The following PTPRG variants were observed in gnomAD, a reference collection of about 807,000 sequenced individuals.
PTPRG encodes receptor-type tyrosine-protein phosphatase gamma.
PTPRG carries 102 observed loss-of-function variants against 165.3 expected under a neutral mutation model. The observed-to-expected ratio is 0.62, with a 90% CI of 0.53 to 0.73. PTPRG has a LOEUF of 0.73. Ranked by LOEUF, PTPRG falls within the 30% of genes least tolerant of loss-of-function variation. The pLI, the probability that PTPRG is intolerant of heterozygous loss-of-function variation, is 0.00. For synonymous variants in PTPRG, 675 were observed against 669.5 expected (o/e 1.01, Z -0.13); for missense variants, 1,866 against 1,861.4 (o/e 1.00, Z -0.05).
At chr3:61,912,875 T>G (rs1419237605) in intron 2 of PTPRG, among the ~76,000 whole-genome samples, 1 of 152,194 alleles carries the variant, frequency 6.6e-6, no homozygotes, top group East Asian at 1.9e-4. Context: ...TTTATTTTTT[T>G]TTCACCATTT....
At chr3:61,941,333 C>A (rs1164377268) in intron 2 of PTPRG, among the ~76,000 whole-genome samples, 1 of 152,224 alleles carries the variant, frequency 6.6e-6, no homozygotes, top group Non-Finnish European at 1.5e-5. Context: ...GTTAAGAGGT[C>A]AGTGATTTAG....
At chr3:62,069,466 A>G (rs1397304105) in intron 4 of PTPRG, among the ~76,000 whole-genome samples, 1 of 152,220 alleles carries the variant, frequency 6.6e-6, no homozygotes, top group East Asian at 1.9e-4. Flanking sequence ...AAGTGAGAGA[A>G]GATGATAGAG....
intron 28 of PTPRG, among the ~76,000 whole-genome samples, chr3:62,289,671 G>A (rs142427840): frequency 2.1e-3 from 302 of 146,152 alleles, no homozygotes; most frequent in African/African-American, 7.1e-3. Context: ...ATTGAAAAGC[G>A]TACAATAAAA....
intron 4 of PTPRG, among the ~76,000 whole-genome samples, chr3:62,052,094 G>T (rs1700486021): frequency 6.6e-6 from 1 of 152,078 alleles, no homozygotes; most frequent in East Asian, 1.9e-4. Flanking sequence ...GGACAGTTTG[G>T]TCTATGCTTT....
At chr3:62,173,374 T>C (rs1034017448) in intron 8 of PTPRG, among the ~76,000 whole-genome samples, 10 of 152,078 alleles carry the variant, frequency 6.6e-5, no homozygotes, top group African/African-American at 2.2e-4. Context: ...CTGCAGATGA[T>C]ATGTAAATGA....
chr3:61,955,227 T>TTTA (rs2040003635), intron 2 of PTPRG, among the ~76,000 whole-genome samples: 1 of 152,228 alleles, frequency 6.6e-6, no homozygotes, highest in Non-Finnish European at 1.5e-5. Flanking sequence ...AACCCAAGTC[T>TTTA]TTATTATTTG....
chr3:61,743,550 C>T (rs760870935), intron 1 of PTPRG, among the ~76,000 whole-genome samples: 28 of 152,060 alleles, frequency 1.8e-4, no homozygotes, highest in Non-Finnish European at 3.7e-4. Flanking sequence ...TAGAGATGAC[C>T]TCTTTGAGGA....
intron 2 of PTPRG, among the ~76,000 whole-genome samples, chr3:61,981,410 T>A (rs1016072050): frequency 1.3e-5 from 2 of 152,218 alleles, no homozygotes; most frequent in African/African-American, 2.4e-5. Context: ...CAATCTCTTG[T>A]CAAGGAGGAT....
chr3:61,956,123 C>T (rs1288032296), intron 2 of PTPRG, among the ~76,000 whole-genome samples: 1 of 148,968 alleles, frequency 6.7e-6, no homozygotes, highest in Non-Finnish European at 1.5e-5. Context: ...ATTGACTTTT[C>T]TGTCTTTTAG....
intron 2 of PTPRG, among the ~76,000 whole-genome samples, chr3:61,953,859 ATTTTCTGCTGCTG>A (rs1457813946): frequency 7.9e-5 from 3 of 38,060 alleles, no homozygotes; most frequent in African/African-American, 1.3e-4. Flanking sequence ...AAGGGAGTGT[ATTTTCTGCTGCTG>A]TACAATCTGC....
chr3:61,883,423 G>A (rs1029067821), intron 2 of PTPRG, among the ~76,000 whole-genome samples: 10 of 152,034 alleles, frequency 6.6e-5, no homozygotes, highest in African/African-American at 2.4e-4. Context: ...TTCCTGGATT[G>A]TTCCAGGAGG....
intron 2 of PTPRG, among the ~76,000 whole-genome samples, chr3:61,778,672 T>C (rs583340): frequency 0.029 from 4,352 of 152,168 alleles, 86 homozygotes; most frequent in Non-Finnish European, 0.045. Flanking sequence ...GGTGAGAAAC[T>C]AGTGAACACA....
intron 1 of PTPRG, among the ~76,000 whole-genome samples, chr3:61,709,650 C>T (rs1325487307): frequency 6.6e-6 from 1 of 152,130 alleles, no homozygotes; most frequent in African/African-American, 2.4e-5. Context: ...CCATAAATAC[C>T]TACCTAATCT....
intron 2 of PTPRG, among the ~76,000 whole-genome samples, chr3:61,754,082 A>G (rs544385519): frequency 6.6e-6 from 1 of 152,278 alleles, no homozygotes; most frequent in African/African-American, 2.4e-5. Context: ...AATCAGTACA[A>G]GGAGACCATT....
At chr3:62,115,961 C>T (rs542424460) in intron 5 of PTPRG, among the ~76,000 whole-genome samples, 6 of 152,310 alleles carry the variant, frequency 3.9e-5, no homozygotes, top group African/African-American at 1.4e-4. Context: ...TTTTCAATTA[C>T]AGTAATAACC....
chr3:62,257,151 G>A (rs75109042), intron 16 of PTPRG, among the ~76,000 whole-genome samples: 1,647 of 152,210 alleles, frequency 0.011, 28 homozygotes, highest in African/African-American at 0.037. Context: ...GCAACGTAAA[G>A]GGGAGAATAA....
intron 12 of PTPRG, among the ~76,000 whole-genome samples, chr3:62,206,581 C>T (rs1440209044): frequency 6.6e-6 from 1 of 152,108 alleles, no homozygotes; most frequent in African/African-American, 2.4e-5. Flanking sequence ...CAGCCCTTTC[C>T]TTTGCTATTG....
intron 28 of PTPRG, among the ~76,000 whole-genome samples, chr3:62,284,449 A>G (rs1384086879): frequency 1.3e-5 from 2 of 152,166 alleles, no homozygotes; most frequent in African/African-American, 4.8e-5. Flanking sequence ...CAAATATCAT[A>G]TAGGTGAGAT....
intron 1 of PTPRG, among the ~76,000 whole-genome samples, chr3:61,590,532 AAAG>A (rs1014440992): frequency 1.3e-5 from 2 of 152,184 alleles, no homozygotes; most frequent in African/African-American, 4.8e-5. Context: ...TCAAAAAAAA[AAAG>A]TATAATACAT....
Sources: gnomAD v4.1 joint callset for allele counts (sites outside exome capture counted in the v4.1 genomes callset) on GRCh38, gnomAD v4.1.1 for gene constraint, MANE v1.5 for transcripts, NCBI Gene and HGNC (gene_info 2026-07-23, HGNC 2026-07-21) for gene names.